The following NFIB variants were observed in gnomAD, a reference collection of about 807,000 sequenced individuals.
The protein encoded by NFIB is nuclear factor I B.
A neutral mutation model predicts 61.5 loss-of-function variants in NFIB; 11 were observed. The observed-to-expected ratio is 0.18, with a 90% CI of 0.11 to 0.30. The LOEUF is 0.30. NFIB is among the 10% of genes least tolerant of loss of function. The pLI is 1.00. For synonymous variants in NFIB, 260 were observed against 216.5 expected (o/e 1.20, Z -1.76); for missense variants, 471 against 608.9 (o/e 0.77, Z 2.38).
At chr9:14,505,912 T>C in the NFIB span, among the ~76,000 whole-genome samples, 2 of 152,310 alleles carry the variant, frequency 1.3e-5, no homozygotes, top group Admixed American at 6.5e-5. Context: ...CTCTACAAAG[T>C]AAATGATGTA....
At chr9:14,270,909 T>C (rs1293501399) in intron 2 of NFIB, among the ~76,000 whole-genome samples, 3 of 152,126 alleles carry the variant, frequency 2.0e-5, no homozygotes, top group African/African-American at 4.8e-5. Flanking sequence ...TGAGTCTCCG[T>C]AGGCCCTTCA....
In NFIB at chr9:14,204,188, A is replaced by G; in HGVS notation, c.563-24408T>C. The G allele has an allele frequency of 5.8e-6, 3 of 520,032 alleles. No individual in the cohort carries two copies. In the South Asian group the frequency reaches 9.7e-5, roughly 17 times the overall value. The allele number at this position is 520,032 out of a possible 1,614,324, so 32.2% of individuals were successfully genotyped here. On this transcript the variant is annotated intron_variant, in intron 2 of 10. Transcript: ENST00000380953. Reference sequence around the variant, plus strand: ...AAAGAAAACCTTTTCATACCTTTCTATGGCACAGGCCTCAAAATTTGAGGA... The same window carrying G: ...AAAGAAAACCTTTTCATACCTTTCTGTGGCACAGGCCTCAAAATTTGAGGA...
At chr9:14,480,818 C>A in the NFIB span, among the ~76,000 whole-genome samples, 3 of 152,092 alleles carry the variant, frequency 2.0e-5, no homozygotes, top group Non-Finnish European at 2.9e-5. Flanking sequence ...TTGTAGACAT[C>A]CTGGTGCCTT....
At position 14,392,310 on chromosome 9, in the gene NFIB, A is replaced by C. The variant is rs61309267; in HGVS notation, c.108+6214T>G. ...ATTGTCTATCAACATTGGTTTCTGA[A>C]TTGTGACAAAATGTACCATACTAAA... On this transcript the variant is annotated intron_variant, in intron 1 of 8. Transcript: ENST00000380934. Among the ~76,000 whole-genome samples, 875 of 152,352 alleles carry C rather than the reference A, an allele frequency of 5.7e-3. 10 individuals carry two copies. The highest frequency in any genetic ancestry group is 0.02 in the African/African-American group (822 of 41,582).
At chr9:14,247,584 C>T (rs1344843343) in intron 2 of NFIB, among the ~76,000 whole-genome samples, 1 of 152,238 alleles carries the variant, frequency 6.6e-6, no homozygotes, top group African/African-American at 2.4e-5. Context: ...AAAGGATGAT[C>T]AAGCATCCAA....
intron 10 of NFIB, among the ~76,000 whole-genome samples, chr9:14,111,960 A>G (rs1292314191): frequency 2.0e-5 from 3 of 152,208 alleles, no homozygotes; most frequent in African/African-American, 7.2e-5. Context: ...CACCAAGCAC[A>G]GTTGAGGTAG....
At chr9:14,209,700 C>G (rs890411477) in intron 2 of NFIB, among the ~76,000 whole-genome samples, 3 of 152,332 alleles carry the variant, frequency 2.0e-5, no homozygotes, top group Admixed American at 2.0e-4. Flanking sequence ...TACCACAACC[C>G]AAGCCCAGAC....
At chr9:14,364,037 A>G (rs2061271861) in intron 1 of NFIB, among the ~76,000 whole-genome samples, 1 of 152,160 alleles carries the variant, frequency 6.6e-6, no homozygotes, top group African/African-American at 2.4e-5. Context: ...AACATCTTTG[A>G]GCAGTTGTAG....
At chr9:14,164,418 G>A (rs2044552670) in intron 3 of NFIB, among the ~76,000 whole-genome samples, 1 of 152,022 alleles carries the variant, frequency 6.6e-6, no homozygotes, top group Non-Finnish European at 1.5e-5. Context: ...GCATACTACT[G>A]TACTGATACC....
intron 2 of NFIB, among the ~76,000 whole-genome samples, chr9:14,282,841 T>G (rs908410752): frequency 6.6e-6 from 1 of 152,158 alleles, no homozygotes; most frequent in Non-Finnish European, 1.5e-5. Context: ...TTGTTCCTCC[T>G]TTTAACCACT....
chr9:14,348,391 A>G (rs573657089), intron 1 of NFIB, among the ~76,000 whole-genome samples: 29 of 151,424 alleles, frequency 1.9e-4, no homozygotes, highest in African/African-American at 6.5e-4. Flanking sequence ...GAAGCAGCTT[A>G]TTTAGGCTCG....
At chr9:14,233,994 A>G (rs1431181052) in intron 2 of NFIB, among the ~76,000 whole-genome samples, 1 of 152,212 alleles carries the variant, frequency 6.6e-6, no homozygotes, top group Non-Finnish European at 1.5e-5. Flanking sequence ...CCTATCAATT[A>G]TAATTAGCAA....
intron 2 of NFIB, among the ~76,000 whole-genome samples, chr9:14,191,069 T>C (rs1409986242): frequency 6.6e-6 from 1 of 152,162 alleles, no homozygotes; most frequent in East Asian, 1.9e-4. Flanking sequence ...GGTGGGTGCC[T>C]GTAGTCCCAG....
intron 1 of NFIB, among the ~76,000 whole-genome samples, chr9:14,345,956 G>A (rs983589075): frequency 6.6e-6 from 1 of 152,158 alleles, no homozygotes. Context: ...TTGACCCTCC[G>A]CAGGGCTTTC....
rs537950761 is a variant in NFIB, at chr9:14,146,352, G to A, written c.925+337C>T. Among the ~76,000 whole-genome samples, 83 of 152,184 alleles carry A rather than the reference G, an allele frequency of 5.5e-4. 2 individuals carry two copies. Among genetic ancestry groups the A allele is most frequent in the African/African-American group, 1.7e-3 (71 of 41,538 alleles). ...GCTCCCTGCAACGCTCCATAGAGAGGAGCAGGCGGATCTAATTGAATCACA... is the reference window on the plus strand; with the variant it reads ...GCTCCCTGCAACGCTCCATAGAGAGAAGCAGGCGGATCTAATTGAATCACA... On this transcript the variant is annotated intron_variant, in intron 6 of 10. Transcript: ENST00000380953.
intron 6 of NFIB, among the ~76,000 whole-genome samples, chr9:14,134,763 G>A (rs957026800): frequency 5.3e-5 from 8 of 151,902 alleles, no homozygotes; most frequent in African/African-American, 1.9e-4. Flanking sequence ...TGGCCATGGT[G>A]GCGTGCATCT....
chr9:14,216,301 T>C (rs1295554005), intron 2 of NFIB, among the ~76,000 whole-genome samples: 1 of 152,142 alleles, frequency 6.6e-6, no homozygotes, highest in Non-Finnish European at 1.5e-5. Flanking sequence ...CTTATCCCAC[T>C]GGAAAGGTGT....
chr9:14,230,636 A>G (rs565592336), intron 2 of NFIB, among the ~76,000 whole-genome samples: 1 of 152,324 alleles, frequency 6.6e-6, no homozygotes, highest in East Asian at 1.9e-4. Flanking sequence ...TTAGACTTAA[A>G]GGGTGAATAA....
At chr9:14,457,403 G>C in the NFIB span, among the ~76,000 whole-genome samples, 4 of 152,148 alleles carry the variant, frequency 2.6e-5, no homozygotes, top group Non-Finnish European at 4.4e-5. Flanking sequence ...GCCCATAAGA[G>C]AAAGCAGGAA....
Sources: gnomAD v4.1 joint callset for allele counts (sites outside exome capture counted in the v4.1 genomes callset) on GRCh38, gnomAD v4.1.1 for gene constraint, MANE v1.5 for transcripts, NCBI Gene and HGNC (gene_info 2026-07-23, HGNC 2026-07-21) for gene names.